Variants in GSG1L observed in about 807,000 individuals in gnomAD.
GSG1L encodes germ cell-specific gene 1-like protein.
In GSG1L, 24 loss-of-function variants were observed where a neutral mutation model predicts 42.1. That is an observed-to-expected ratio of 0.57 (90% confidence interval 0.41 to 0.80). The LOEUF is 0.80. Among genes scored for constraint, GSG1L ranks in the 30% least tolerant of loss-of-function variants. The pLI, the probability that GSG1L is intolerant of heterozygous loss-of-function variation, is 0.00. For synonymous variants in GSG1L, 215 were observed against 203.5 expected (o/e 1.06, Z -0.48); for missense variants, 445 against 472.2 (o/e 0.94, Z 0.53).
rs1567529982 is a variant in GSG1L at position 27,946,620 on chromosome 16, AG to A, written c.397+16535del. The stretch of plus-strand genomic sequence containing the variant: ...GAGAGAGAGAGAGAGAGAGAGAGAG[AG>A]AGAGAGAGAGAAAGAAAGAAAGAAA... On this transcript the variant is annotated intron_variant, in intron 2 of 6. Transcript: ENST00000447459. Among the ~76,000 whole-genome samples, 88 of 25,270 alleles carry A rather than the reference AG, an allele frequency of 3.5e-3. 2 individuals are homozygous for A. Among genetic ancestry groups the A allele is most frequent in the African/African-American group, 0.01 (75 of 7,464 alleles). The allele number at this position is 25,270 out of a possible 152,430, so 16.6% of individuals were successfully genotyped here.
chr16:27,823,434 C>G (rs2083170815), intron 5 of GSG1L, among the ~76,000 whole-genome samples: 1 of 152,054 alleles, frequency 6.6e-6, no homozygotes, highest in Non-Finnish European at 1.5e-5. Flanking sequence ...TCGGCTCTTG[C>G]AGAGGGTAAT....
intron 4 of GSG1L, among the ~76,000 whole-genome samples, chr16:27,834,173 C>T (rs973932799): frequency 3.3e-5 from 5 of 152,112 alleles, no homozygotes. Flanking sequence ...GTGTCAAATG[C>T]TTTTTCTGTA....
chr16:28,002,529 G>T (rs1185777875), intron 1 of GSG1L, among the ~76,000 whole-genome samples: 1 of 152,328 alleles, frequency 6.6e-6, no homozygotes, highest in South Asian at 2.1e-4. Flanking sequence ...GCTAAGGCAG[G>T]GGGATGGCTT....
chr16:27,829,094 G>A (rs564375298), intron 4 of GSG1L, 138 bp from the exon 5 acceptor site: 1 of 766,024 alleles, frequency 1.3e-6, no homozygotes, highest in East Asian at 2.7e-5. Flanking sequence ...CCACAGAGAA[G>A]GATAAGACTT....
chr16:27,897,104 TC>T (rs1463028413), intron 2 of GSG1L, among the ~76,000 whole-genome samples: 1 of 152,122 alleles, frequency 6.6e-6, no homozygotes. Flanking sequence ...CCTCAGGTGA[TC>T]CCCCCACCTC....
chr16:27,897,507 C>T (rs2084204859), intron 2 of GSG1L, among the ~76,000 whole-genome samples: 1 of 152,086 alleles, frequency 6.6e-6, no homozygotes, highest in South Asian at 2.1e-4. Context: ...ACCCTATTGC[C>T]CAGGGTGGTC....
chr16:27,890,494 G>A (rs945477354), intron 2 of GSG1L, among the ~76,000 whole-genome samples: 16 of 152,322 alleles, frequency 1.1e-4, no homozygotes, highest in African/African-American at 3.6e-4. Flanking sequence ...GATGACGGTG[G>A]CCTGGACTGT....
At position 27,888,510 on chromosome 16, in the gene GSG1L, T is replaced by C. The variant is rs1394302695; in HGVS notation, c.398-3872A>G. Among the ~76,000 whole-genome samples, 27 of 13,434 alleles carry C rather than the reference T, an allele frequency of 2.0e-3. 6 individuals are homozygous for C. The highest frequency in any genetic ancestry group is 5.9e-3 in the African/African-American group (27 of 4,608). 8.8% of individuals were successfully genotyped at this position (13,434 alleles called of 152,430 possible). On this transcript the variant is annotated intron_variant, in intron 2 of 6. Transcript: ENST00000447459. ...TTCTTTCTTTCTTTCTTTCTTTCTT[T>C]CTTTCTTTCTTTCTTTCTTTCTTTC...
At chr16:27,858,470 G>GTGT (rs1259740132) in intron 3 of GSG1L, among the ~76,000 whole-genome samples, 2 of 152,180 alleles carry the variant, frequency 1.3e-5, no homozygotes, top group Non-Finnish European at 2.9e-5. Context: ...CCAAGTCCAG[G>GTGT]TGTTTTACCA....
intron 2 of GSG1L, among the ~76,000 whole-genome samples, chr16:27,907,801 C>T (rs149161388): frequency 5.4e-4 from 83 of 152,344 alleles, no homozygotes; most frequent in African/African-American, 2.0e-3. Context: ...TCTCTTCTAT[C>T]CCCTCTGCTG....
chr16:27,850,700 G>A, intron 3 of GSG1L: 1 of 398,816 alleles, frequency 2.5e-6, no homozygotes, highest in Non-Finnish European at 5.0e-6. Context: ...GGGGAAGTGG[G>A]AAAATGGGGG....
At chr16:27,867,898 C>G (rs1057479242) in intron 3 of GSG1L, among the ~76,000 whole-genome samples, 2 of 152,234 alleles carry the variant, frequency 1.3e-5, no homozygotes, top group Admixed American at 6.5e-5. Context: ...CAGTCCTGTC[C>G]CAACCTCCTT....
Position 27,859,928 on chromosome 16 carries a change from C to T in GSG1L, c.551-14867G>A, listed in dbSNP as rs550548912. 7.2e-5 allele frequency among the ~76,000 whole-genome samples: 11 copies of T among 152,208 alleles called. No homozygotes were observed. The South Asian group carries it at 8.3e-4, about 11-fold the overall frequency. On this transcript the variant is annotated intron_variant, in intron 3 of 6. Coordinates refer to ENST00000447459, the MANE Select transcript of GSG1L (RefSeq NM_001109763.2). ...AACTCTTGGCCTCGAGCAGCTCTCC[C>T]GCCTCTGCCTCCCAAAGTGCTGGTA...
At chr16:27,922,949 G>A (rs186710708) in intron 2 of GSG1L, among the ~76,000 whole-genome samples, 9 of 152,018 alleles carry the variant, frequency 5.9e-5, no homozygotes, top group South Asian at 2.1e-4. Context: ...CACCATGCCC[G>A]GCTAATGTTC....
At chr16:27,979,726 G>GGAAGGAAGTAAGGAAA (rs1491436872) in intron 1 of GSG1L, among the ~76,000 whole-genome samples, 1 of 53,584 alleles carries the variant, frequency 1.9e-5, no homozygotes, top group Non-Finnish European at 3.4e-5. Flanking sequence ...AAGGAAGGAA[G>GGAAGGAAGTAAGGAAA]GAAAGAAAAA....
At chr16:27,872,757 C>T (rs1475505334) in intron 3 of GSG1L, among the ~76,000 whole-genome samples, 4 of 152,140 alleles carry the variant, frequency 2.6e-5, no homozygotes, top group Non-Finnish European at 5.9e-5. Context: ...GAGACACTCC[C>T]ACCAGCACCA....
chr16:28,047,902 T>C (rs1489250305), intron 1 of GSG1L, among the ~76,000 whole-genome samples: 1 of 152,012 alleles, frequency 6.6e-6, no homozygotes, highest in Non-Finnish European at 1.5e-5. Context: ...TTTTGGCAGA[T>C]AAAGGGAGTA....
At chr16:27,818,177 T>C (rs747701885) in intron 5 of GSG1L, among the ~76,000 whole-genome samples, 1 of 152,180 alleles carries the variant, frequency 6.6e-6, no homozygotes, top group African/African-American at 2.4e-5. Flanking sequence ...CAAATGGCCA[T>C]GATCAAAGAG....
chr16:27,975,338 A>T (rs2085239032), intron 1 of GSG1L, among the ~76,000 whole-genome samples: 1 of 152,014 alleles, frequency 6.6e-6, no homozygotes, highest in Admixed American at 6.5e-5. Context: ...AGGGCAGGGA[A>T]TGGACATGGA....
Sources: allele counts gnomAD v4.1 joint callset (sites outside exome capture counted in the v4.1 genomes callset), GRCh38; gene constraint gnomAD v4.1.1; transcripts MANE v1.5; gene names NCBI Gene and HGNC (gene_info 2026-07-23, HGNC 2026-07-21).